Variants in GAR1 observed in about 807,000 individuals in gnomAD.
The protein encoded by GAR1 is GAR1 ribonucleoprotein.
GAR1 carries 11 observed loss-of-function variants against 29.3 expected under a neutral mutation model. The observed-to-expected ratio is 0.38, with a 90% CI of 0.24 to 0.62. The LOEUF (loss-of-function observed/expected upper bound fraction) is 0.62. GAR1 is among the 20% of genes least tolerant of loss of function. The pLI is 0.62. For synonymous variants in GAR1, 87 were observed against 93.3 expected (o/e 0.93, Z 0.39); for missense variants, 237 against 268.4 (o/e 0.88, Z 0.82).
intron 2 of GAR1, among the ~76,000 whole-genome samples, chr4:109,816,920 A>G (rs920127487): frequency 1.3e-5 from 2 of 152,236 alleles, no homozygotes; most frequent in African/African-American, 4.8e-5. Context: ...TGAGAAAACA[A>G]TTTGCTTGAG....
intron 2 of GAR1, 49 bp downstream of exon 2, chr4:109,816,427 G>A (rs775951758): frequency 6.4e-7 from 1 of 1,566,786 alleles, no homozygotes; most frequent in South Asian, 1.1e-5. Context: ...GGTGTGGGTT[G>A]GGGGTTTGTG....
Position 109,819,027 on chromosome 4 carries a change from C to A in GAR1, c.396C>A (p.Asn132Lys). ...ATTTTTCAGTTAAGTTGTCAGAAAA[C>A]ATGAAGGCTTCATCCTTTAAAAAAC... ...DFYFSVKLSENMKASSFKKLQ... is the reference protein window; with the variant it reads ...DFYFSVKLSEKMKASSFKKLQ... Residue 132 changes from asparagine (N) to lysine (K), a missense_variant, in exon 4 of 7, where the codon AAC becomes AAA. Coordinates refer to ENST00000226796, the MANE Select transcript of GAR1 (RefSeq NM_018983.4). 1 of 1,473,968 alleles carries A rather than the reference C, an allele frequency of 6.8e-7. No homozygotes were observed. Among genetic ancestry groups the A allele is most frequent in the Non-Finnish European group, 9.4e-7 (1 of 1,061,414 alleles). 91.3% of individuals were successfully genotyped at this position (1,473,968 alleles called of 1,614,324 possible).
intron 4 of GAR1, among the ~76,000 whole-genome samples, chr4:109,821,925 G>A (rs766962938): frequency 3.3e-5 from 5 of 151,830 alleles, no homozygotes; most frequent in Non-Finnish European, 7.4e-5. Flanking sequence ...GTTCTCACTC[G>A]TAAGTGAGAG....
At position 109,822,394 on chromosome 4, in the gene GAR1, T is replaced by G; in HGVS notation, c.477T>G (p.Pro159=). ...YKLLPLQRFL[P]RPPGEKGPPR... ...TGCTGCCACTGCAGAGGTTTTTACC[T>G]CGACCTCCAGGTGAGAAAGGACCTC... The change falls in exon 5 of 7, where the codon CCT becomes CCG. Residue 159 remains proline, a synonymous_variant. Transcript: ENST00000226796. 6.2e-7 allele frequency: 1 copy of G among 1,610,322 alleles called. No homozygotes were observed. The highest frequency in any genetic ancestry group is 8.5e-7 in the Non-Finnish European group (1 of 1,178,106).
chr4:109,823,863 A>T, intron 5 of GAR1, 102 bp from the exon 6 acceptor site: 1 of 664,330 alleles, frequency 1.5e-6, no homozygotes, highest in South Asian at 2.2e-5. Context: ...TGATCTTTTT[A>T]GGCTTATCAA....
chr4:109,818,164 T>A, intron 3 of GAR1, 74 bp downstream of exon 3: 1 of 1,076,596 alleles, frequency 9.3e-7, no homozygotes, highest in Non-Finnish European at 1.4e-6. Flanking sequence ...GGCAGTTAAG[T>A]ATAAATTAAA....
rs1438241192 is a variant in GAR1, at chr4:109,819,020, C to T, written c.389C>T (p.Ser130Leu). 2.8e-6 allele frequency: 4 copies of T among 1,431,728 alleles called. No homozygotes were observed. The highest frequency in any genetic ancestry group is 2.9e-6 in the Non-Finnish European group (3 of 1,025,672). The allele number at this position is 1,431,728 out of a possible 1,614,324, so 88.7% of individuals were successfully genotyped here. A position where few individuals can be genotyped will look rare whatever the true frequency, so the allele number is the denominator to read the frequency against. ...LRDFYFSVKL[S>L]ENMKASSFKK... ...TAATAGTATTTTTCAGTTAAGTTGT[C>T]AGAAAACATGAAGGCTTCATCCTTT... The change falls in exon 4 of 7, where the codon TCA (serine) becomes TTA (leucine). Residue 130 changes from serine to leucine, a missense_variant. Coordinates refer to ENST00000226796, the MANE Select transcript of GAR1 (RefSeq NM_018983.4).
intron 4 of GAR1, 26 bp from the exon 5 acceptor site, chr4:109,822,321 A>G: frequency 1.5e-6 from 2 of 1,376,312 alleles, no homozygotes; most frequent in Non-Finnish European, 2.0e-6. Context: ...CAAGTTGTAT[A>G]CTAATTGCTT....
chr4:109,818,567 CTTTTTT>C (rs34081446), intron 3 of GAR1, among the ~76,000 whole-genome samples: 29 of 123,772 alleles, frequency 2.3e-4, no homozygotes, highest in Middle Eastern at 4.5e-3. Context: ...TTCTTTTTTC[CTTTTTT>C]TTTTTTTTTT....
At chr4:109,821,034 A>T (rs1733499751) in intron 4 of GAR1, among the ~76,000 whole-genome samples, 1 of 152,258 alleles carries the variant, frequency 6.6e-6, no homozygotes, top group Admixed American at 6.5e-5. Flanking sequence ...CTTTTTAATT[A>T]CAGATACTAA....
Position 109,822,942 on chromosome 4 carries a change from A to G in GAR1, c.571+454A>G, listed in dbSNP as rs531015595. On this transcript the variant is annotated intron_variant, in intron 5 of 6. Transcript: ENST00000226796. ...TACAGAAATTAATTTGCCCCAATCA[A>G]ACAATTGGCAGACCCAAGAATTAAA... is the stretch of plus-strand genomic sequence containing the variant. Among the ~76,000 whole-genome samples, 4 of 152,344 alleles carry G rather than the reference A, an allele frequency of 2.6e-5. No homozygotes were observed. In the East Asian group the frequency reaches 7.7e-4, roughly 29 times the overall value.
intron 5 of GAR1, among the ~76,000 whole-genome samples, chr4:109,823,041 A>G (rs561030955): frequency 2.6e-5 from 4 of 152,182 alleles, no homozygotes; most frequent in Non-Finnish European, 5.9e-5. Flanking sequence ...GTTGTGATGT[A>G]TGCCTTTCCC....
chr4:109,816,447 A>C, intron 2 of GAR1, 69 bp downstream of exon 2: 1 of 1,469,758 alleles, frequency 6.8e-7, no homozygotes, highest in East Asian at 2.3e-5. Flanking sequence ...GTTGTTAGGC[A>C]GCAAGTTTGG....
At chr4:109,823,866 C>G in intron 5 of GAR1, 99 bp from the exon 6 acceptor site, 1 of 676,796 alleles carries the variant, frequency 1.5e-6, no homozygotes, top group Non-Finnish European at 2.5e-6. Context: ...TCTTTTTAGG[C>G]TTATCAATAT....
intron 3 of GAR1, among the ~76,000 whole-genome samples, chr4:109,818,545 CCCTT>C (rs1428145686): frequency 2.0e-5 from 3 of 149,734 alleles, no homozygotes; most frequent in Non-Finnish European, 3.0e-5. Context: ...CTCCCTTCCT[CCCTT>C]CCTTCCTTTC....
chr4:109,822,624 G>C (rs1318253524), intron 5 of GAR1, 136 bp downstream of exon 5: 1 of 829,080 alleles, frequency 1.2e-6, no homozygotes, highest in Non-Finnish European at 1.8e-6. Flanking sequence ...AATATTGGCA[G>C]ATTGTCCATA....
At chr4:109,821,617 A>G (rs529594830) in intron 4 of GAR1, among the ~76,000 whole-genome samples, 44 of 152,332 alleles carry the variant, frequency 2.9e-4, no homozygotes, top group Middle Eastern at 6.8e-3. Flanking sequence ...AACAACTAGT[A>G]TGCGAATGCT....
chr4:109,816,083 G>T (rs1733340060), intron 1 of GAR1, 70 bp from the exon 2 acceptor site: 1 of 1,430,702 alleles, frequency 7.0e-7, no homozygotes, highest in Non-Finnish European at 9.8e-7. Flanking sequence ...TCTCACCGCA[G>T]CTCCGAGGGG....
chr4:109,821,852 T>C (rs1733520813), intron 4 of GAR1, among the ~76,000 whole-genome samples: 1 of 152,124 alleles, frequency 6.6e-6, no homozygotes, highest in Non-Finnish European at 1.5e-5. Context: ...CTCTATTCTC[T>C]ACATTTTACA....
Sources: allele counts gnomAD v4.1 joint callset (sites outside exome capture counted in the v4.1 genomes callset), GRCh38; gene constraint gnomAD v4.1.1; transcripts MANE v1.5; gene names NCBI Gene and HGNC (gene_info 2026-07-23, HGNC 2026-07-21).